GALK2: variants seen among roughly 807,000 people sequenced by gnomAD.
GALK2 encodes the protein galactokinase 2.
A neutral mutation model predicts 52.4 loss-of-function variants in GALK2; 36 were observed. That is an observed-to-expected ratio of 0.69 (90% confidence interval 0.53 to 0.91). GALK2 has a LOEUF of 0.91. GALK2 is among the 40% of genes least tolerant of loss of function. The probability of loss-of-function intolerance (pLI) is 0.00; values close to 1 mark genes in which losing one functional copy is unlikely to be tolerated. For missense variants in GALK2, 579 were observed against 559.1 expected (o/e 1.04, Z -0.36); for synonymous variants, 176 against 199.1 (o/e 0.88, Z 0.98).
chr15:49,306,398 C>T (rs1298701450), intron 8 of GALK2, among the ~76,000 whole-genome samples: 2 of 152,028 alleles, frequency 1.3e-5, no homozygotes, highest in Admixed American at 6.5e-5. Flanking sequence ...GTGCTAGGTA[C>T]TGTGTATTAG....
At chr15:49,311,748 T>C (rs1201145862) in intron 8 of GALK2, among the ~76,000 whole-genome samples, 1 of 152,254 alleles carries the variant, frequency 6.6e-6, no homozygotes, top group African/African-American at 2.4e-5. Context: ...CTTGTATGAG[T>C]GCCTCTTCTT....
At chr15:49,258,794 A>ATGTGTG (rs35306007) in intron 5 of GALK2, among the ~76,000 whole-genome samples, 4 of 103,734 alleles carry the variant, frequency 3.9e-5, no homozygotes, top group African/African-American at 1.0e-4. Context: ...ATATATATAT[A>ATGTGTG]TGTGTGTGTG....
At chr15:49,230,093 G>A (rs143782023) in intron 3 of GALK2, among the ~76,000 whole-genome samples, 16 of 152,286 alleles carry the variant, frequency 1.1e-4, no homozygotes, top group African/African-American at 2.9e-4. Flanking sequence ...TGTGGGTAGG[G>A]GACATCAGAG....
At chr15:49,204,316 A>T in intron 2 of GALK2, among the ~76,000 whole-genome samples, 2 of 145,338 alleles carry the variant, frequency 1.4e-5, no homozygotes, top group African/African-American at 2.6e-5. Context: ...TTGGCTCAGG[A>T]TTGCTTTGGT....
chr15:49,262,239 T>C (rs2092147681), intron 5 of GALK2, among the ~76,000 whole-genome samples: 1 of 152,208 alleles, frequency 6.6e-6, no homozygotes, highest in East Asian at 1.9e-4. Context: ...ATTGCCACAA[T>C]TTCAGAGCCT....
intron 9 of GALK2, among the ~76,000 whole-genome samples, chr15:49,326,263 T>TA (rs2037474195): frequency 7.7e-6 from 1 of 130,066 alleles, no homozygotes; most frequent in East Asian, 2.2e-4. Context: ...CCATTTTTTT[T>TA]TTTTTTTTTT....
chr15:49,179,803 T>G (rs2085820028), intron 1 of GALK2, among the ~76,000 whole-genome samples: 2 of 152,094 alleles, frequency 1.3e-5, no homozygotes. Flanking sequence ...CTCATTGTAT[T>G]TTTTGGGGGG....
At chr15:49,207,761 T>C (rs1244078750) in intron 2 of GALK2, among the ~76,000 whole-genome samples, 1 of 152,190 alleles carries the variant, frequency 6.6e-6, no homozygotes, top group Non-Finnish European at 1.5e-5. Flanking sequence ...GGGTTAATCT[T>C]GCTAATGGTC....
At chr15:49,194,530 G>T (rs1256665858) in intron 1 of GALK2, among the ~76,000 whole-genome samples, 2 of 151,162 alleles carry the variant, frequency 1.3e-5, no homozygotes, top group African/African-American at 2.4e-5. Flanking sequence ...TCAAAACAGG[G>T]TTTTTTTGTT....
At chr15:49,234,859 C>T (rs564782375) in intron 3 of GALK2, among the ~76,000 whole-genome samples, 4 of 152,128 alleles carry the variant, frequency 2.6e-5, no homozygotes, top group South Asian at 4.2e-4. Flanking sequence ...CTCTACCTCC[C>T]GGGTTCAAGC....
intron 1 of GALK2, chr15:49,156,080 G>C: frequency 6.6e-7 from 1 of 1,517,566 alleles, no homozygotes; most frequent in Non-Finnish European, 9.2e-7. Context: ...GTGTTCCTAA[G>C]ATACTTGGAG....
chr15:49,178,191 A>T (rs1338666416), intron 1 of GALK2, among the ~76,000 whole-genome samples: 11 of 87,090 alleles, frequency 1.3e-4, no homozygotes, highest in African/African-American at 4.3e-4. Context: ...AAAAAAAAGA[A>T]ATACTATATA....
intron 1 of GALK2, 123 bp downstream of exon 1, chr15:49,170,498 T>G: frequency 1.1e-6 from 1 of 933,086 alleles, no homozygotes; most frequent in Non-Finnish European, 1.6e-6. Context: ...GTGGAACCCT[T>G]GGGATTCTAT....
intron 7 of GALK2, 64 bp from the exon 8 acceptor site, chr15:49,292,263 A>G (rs1336766887): frequency 1.2e-5 from 17 of 1,414,398 alleles, no homozygotes; most frequent in Non-Finnish European, 3.9e-6. Flanking sequence ...GAATCTGGCT[A>G]ATTAAAATAG....
chr15:49,194,948 A>G (rs1467013577), intron 1 of GALK2: 3 of 334,702 alleles, frequency 9.0e-6, no homozygotes, highest in African/African-American at 6.9e-5. Context: ...CTCCATAAGA[A>G]AAGCTTATTG....
intron 8 of GALK2, among the ~76,000 whole-genome samples, chr15:49,292,830 A>T (rs1415561239): frequency 6.6e-6 from 1 of 151,320 alleles, no homozygotes; most frequent in Admixed American, 6.6e-5. Context: ...TCTGGTTATT[A>T]TGCTACTTGT....
intron 1 of GALK2, among the ~76,000 whole-genome samples, chr15:49,184,262 T>C (rs1344654261): frequency 6.6e-6 from 1 of 152,128 alleles, no homozygotes; most frequent in Non-Finnish European, 1.5e-5. Context: ...TTTGGAAATC[T>C]ATTTTGTGTG....
intron 8 of GALK2, among the ~76,000 whole-genome samples, chr15:49,309,347 A>T (rs1415037793): frequency 6.6e-6 from 1 of 152,196 alleles, no homozygotes; most frequent in Non-Finnish European, 1.5e-5. Flanking sequence ...GTTTACAAAC[A>T]AGAATGCTGA....
At chr15:49,166,950 C>T (rs1020358602), upstream of GALK2, among the ~76,000 whole-genome samples, 7 of 152,192 alleles carry the variant, frequency 4.6e-5, no homozygotes, top group Middle Eastern at 3.2e-3. Flanking sequence ...CCTCTGTGGT[C>T]TTAGACATTT....
Sources: gnomAD v4.1 joint callset for allele counts (sites outside exome capture counted in the v4.1 genomes callset) on GRCh38, gnomAD v4.1.1 for gene constraint, MANE v1.5 for transcripts, NCBI Gene and HGNC (gene_info 2026-07-23, HGNC 2026-07-21) for gene names.